PLCB4: variants seen among roughly 807,000 people sequenced by gnomAD.
PLCB4 encodes the protein phospholipase C beta 4.
A neutral mutation model predicts 178.8 loss-of-function variants in PLCB4; 77 were observed. That is an observed-to-expected ratio of 0.43 (90% CI 0.36 to 0.52). PLCB4 has a LOEUF of 0.52. Ranked by LOEUF, PLCB4 falls within the 20% of genes least tolerant of loss-of-function variation. PLCB4 has a pLI of 0.00. For synonymous variants in PLCB4, 496 were observed against 490.8 expected (o/e 1.01, Z -0.14); for missense variants, 1,024 against 1,453.4 (o/e 0.70, Z 4.80).
At chr20:9,073,501 A>G (rs888867014) in intron 1 of PLCB4, among the ~76,000 whole-genome samples, 1 of 152,198 alleles carries the variant, frequency 6.6e-6, no homozygotes, top group Non-Finnish European at 1.5e-5. Flanking sequence ...ATTACTTCAC[A>G]TATCCCTTTA....
chr20:9,387,991 C>T (rs1411137166), intron 15 of PLCB4, among the ~76,000 whole-genome samples: 1 of 152,212 alleles, frequency 6.6e-6, no homozygotes, highest in African/African-American at 2.4e-5. Flanking sequence ...GTAATCCCAG[C>T]ACTTTGGGAA....
At chr20:9,166,605 C>G (rs2092976817) in intron 2 of PLCB4, 1 of 152,250 alleles carries the variant, frequency 6.6e-6, no homozygotes, top group African/African-American at 2.4e-5. Flanking sequence ...AGACCTGTGA[C>G]TGCCTCTGAA....
intron 3 of PLCB4, among the ~76,000 whole-genome samples, chr20:9,263,170 C>T (rs984337824): frequency 1.3e-5 from 2 of 152,122 alleles, no homozygotes; most frequent in African/African-American, 4.8e-5. Flanking sequence ...CATGTCCCTC[C>T]TTGGTCCAGT....
At chr20:9,136,174 A>G (rs1050106332) in intron 2 of PLCB4, among the ~76,000 whole-genome samples, 7 of 152,024 alleles carry the variant, frequency 4.6e-5, no homozygotes, top group East Asian at 1.9e-4. Context: ...AAGTGAGTCT[A>G]TTTTCAGAAG....
chr20:9,234,545 T>C (rs1003419267), intron 3 of PLCB4, among the ~76,000 whole-genome samples: 12 of 152,106 alleles, frequency 7.9e-5, no homozygotes, highest in African/African-American at 2.9e-4. Context: ...AAAGAGAATG[T>C]TTCAAATAAG....
At chr20:9,108,544 T>C (rs1252671805) in intron 2 of PLCB4, among the ~76,000 whole-genome samples, 1 of 152,070 alleles carries the variant, frequency 6.6e-6, no homozygotes, top group East Asian at 1.9e-4. Context: ...ACATGTCAGC[T>C]TGAATTCCTT....
intron 3 of PLCB4, among the ~76,000 whole-genome samples, chr20:9,283,448 A>G (rs2094511867): frequency 6.6e-6 from 1 of 151,664 alleles, no homozygotes; most frequent in South Asian, 2.1e-4. Flanking sequence ...GGTTTGGGGG[A>G]CGGTTTTATG....
chr20:9,293,111 C>T (rs954352715), intron 3 of PLCB4, among the ~76,000 whole-genome samples: 1 of 150,372 alleles, frequency 6.7e-6, no homozygotes, highest in African/African-American at 2.5e-5. Flanking sequence ...GAGAGACACC[C>T]AGAGAGAGAC....
chr20:9,244,615 A>G (rs1308720268), intron 3 of PLCB4, among the ~76,000 whole-genome samples: 5 of 152,196 alleles, frequency 3.3e-5, no homozygotes, highest in Admixed American at 3.3e-4. Context: ...TAGAAACAAC[A>G]GTTTAGTCAG....
intron 3 of PLCB4, among the ~76,000 whole-genome samples, chr20:9,221,644 C>T (rs2093800149): frequency 6.6e-6 from 1 of 152,184 alleles, no homozygotes; most frequent in Admixed American, 6.5e-5. Flanking sequence ...GAGTCAGCTA[C>T]TGGTTCAAAG....
chr20:9,417,101 T>C (rs1159929671), intron 25 of PLCB4, among the ~76,000 whole-genome samples: 3 of 152,218 alleles, frequency 2.0e-5, no homozygotes, highest in African/African-American at 7.2e-5. Context: ...TTGATTCTTT[T>C]ACATTTAAAA....
rs766861432 is a variant in PLCB4, at chr20:9,337,224, C to T, written c.165+18C>T. ...AAGGCAAGGTATGGCCCAAGAAGAG[C>T]AAGTTGTTCTTTCTGCTTTGTGGTT... On this transcript the variant is annotated intron_variant, in intron 5 of 39. Coordinates refer to ENST00000378473, the MANE Select transcript of PLCB4 (RefSeq NM_001377142.1). 12 of 1,576,740 alleles carry T rather than the reference C, an allele frequency of 7.6e-6. No individual in the cohort carries two copies. Among genetic ancestry groups the T allele is most frequent in the Non-Finnish European group, 1.0e-5 (12 of 1,146,352 alleles).
intron 2 of PLCB4, among the ~76,000 whole-genome samples, chr20:9,098,739 A>ACATGTGTGTG: frequency 2.0e-5 from 1 of 49,256 alleles, no homozygotes; most frequent in East Asian, 1.7e-3. Flanking sequence ...ATATATACAT[A>ACATGTGTGTG]TATGTGTGTG....
At chr20:9,226,071 C>T (rs777264583) in intron 3 of PLCB4, among the ~76,000 whole-genome samples, 4 of 152,080 alleles carry the variant, frequency 2.6e-5, no homozygotes, top group Non-Finnish European at 5.9e-5. Flanking sequence ...TGGGGGGAAT[C>T]AAGTGTCACA....
chr20:9,107,723 C>T (rs569829586), intron 2 of PLCB4, among the ~76,000 whole-genome samples: 7 of 151,948 alleles, frequency 4.6e-5, no homozygotes, highest in Non-Finnish European at 1.0e-4. Flanking sequence ...GAATAGGGAG[C>T]CTTTGGAGAA....
At chr20:9,441,963 T>A (rs7269371) in intron 30 of PLCB4, among the ~76,000 whole-genome samples, 3,171 of 152,174 alleles carry the variant, frequency 0.021, 97 homozygotes, top group African/African-American at 0.073. Flanking sequence ...ACCCAGCTCC[T>A]AACTTCCAGA....
intron 2 of PLCB4, among the ~76,000 whole-genome samples, chr20:9,107,124 G>A (rs2091395131): frequency 6.6e-6 from 1 of 152,108 alleles, no homozygotes; most frequent in Non-Finnish European, 1.5e-5. Context: ...TTAGTTGTGT[G>A]TTTATTTGTG....
chr20:9,147,752 G>A (rs1600714929), intron 2 of PLCB4, among the ~76,000 whole-genome samples: 7 of 152,088 alleles, frequency 4.6e-5, no homozygotes. Flanking sequence ...GCCTTTCTTT[G>A]CATCATGTGT....
intron 4 of PLCB4, among the ~76,000 whole-genome samples, chr20:9,331,926 T>C (rs1382440812): frequency 6.6e-6 from 1 of 152,182 alleles, no homozygotes; most frequent in African/African-American, 2.4e-5. Context: ...GAATGCCCTC[T>C]GGCCTCTGCT....
Sources: gnomAD v4.1 joint callset for allele counts (sites outside exome capture counted in the v4.1 genomes callset) on GRCh38, gnomAD v4.1.1 for gene constraint, MANE v1.5 for transcripts, NCBI Gene and HGNC (gene_info 2026-07-23, HGNC 2026-07-21) for gene names.